CSNK2A2IP: variants seen among roughly 807,000 people sequenced by gnomAD.
CSNK2A2IP encodes casein kinase 2 subunit alpha' interacting protein.
chr3:88,361,338 G>A, the CSNK2A2IP span, among the ~76,000 whole-genome samples: 1 of 152,180 alleles, frequency 6.6e-6, no homozygotes, highest in Admixed American at 6.5e-5. Context: ...GTCTGGGAAA[G>A]TCTTTATTTT....
chr3:88,405,530 C>T, the CSNK2A2IP span, among the ~76,000 whole-genome samples: 5,010 of 152,254 alleles, frequency 0.033, 273 homozygotes, highest in African/African-American at 0.11. Context: ...ACAGAGCCCT[C>T]TCTTTGGCTT....
the CSNK2A2IP span, among the ~76,000 whole-genome samples, chr3:88,384,783 T>C: frequency 6.6e-6 from 1 of 151,982 alleles, no homozygotes. Context: ...AAGACAGAGA[T>C]AATAGAAACA....
At chr3:88,445,540 C>T in the CSNK2A2IP span, among the ~76,000 whole-genome samples, 1 of 152,012 alleles carries the variant, frequency 6.6e-6, no homozygotes, top group South Asian at 2.1e-4. Context: ...GATTTAATGG[C>T]TTTGAAAAGA....
chr3:88,383,727 G>T, the CSNK2A2IP span, among the ~76,000 whole-genome samples: 189 of 133,754 alleles, frequency 1.4e-3, 2 homozygotes, highest in African/African-American at 4.9e-3. Context: ...GCAGTGGCGC[G>T]ATCTCAGCTC....
the CSNK2A2IP span, among the ~76,000 whole-genome samples, chr3:88,361,928 C>G: frequency 6.6e-6 from 1 of 151,998 alleles, no homozygotes; most frequent in Admixed American, 6.6e-5. Context: ...GTTTTCAGCT[C>G]AAGAAGTTTT....
the CSNK2A2IP span, among the ~76,000 whole-genome samples, chr3:88,359,556 T>C: frequency 6.6e-6 from 1 of 152,130 alleles, no homozygotes; most frequent in Non-Finnish European, 1.5e-5. Flanking sequence ...TAGCTTGGTA[T>C]GTTGTATTTC....
the CSNK2A2IP span, among the ~76,000 whole-genome samples, chr3:88,446,427 G>C: frequency 1.9e-4 from 29 of 152,190 alleles, 1 homozygote; most frequent in South Asian, 6.0e-3. Flanking sequence ...CAGATCTTCA[G>C]TTACCCTCAG....
At chr3:88,413,089 G>A in the CSNK2A2IP span, among the ~76,000 whole-genome samples, 1 of 151,964 alleles carries the variant, frequency 6.6e-6, no homozygotes, top group South Asian at 2.1e-4. Flanking sequence ...AGTTGAATTA[G>A]TATATTAATG....
the CSNK2A2IP span, among the ~76,000 whole-genome samples, chr3:88,448,824 T>G: frequency 6.6e-6 from 1 of 152,242 alleles, no homozygotes; most frequent in South Asian, 2.1e-4. Context: ...GTATAAGGTA[T>G]TATTCATGAC....
chr3:88,354,466 G>T, the CSNK2A2IP span, among the ~76,000 whole-genome samples: 7 of 152,166 alleles, frequency 4.6e-5, no homozygotes, highest in Non-Finnish European at 8.8e-5. Context: ...GAAGCATAAA[G>T]GTTGAGAAGC....
the CSNK2A2IP span, among the ~76,000 whole-genome samples, chr3:88,347,148 G>T: frequency 3.3e-5 from 5 of 152,004 alleles, no homozygotes; most frequent in Non-Finnish European, 5.9e-5. Flanking sequence ...TATAAAACTT[G>T]AATGGGTGAG....
At chr3:88,466,750 C>A in the CSNK2A2IP span, 1 of 872,280 alleles carries the variant, frequency 1.1e-6, no homozygotes, top group Non-Finnish European at 1.5e-6. Flanking sequence ...AAATCCTCAT[C>A]CTGGTCCTCG....
At chr3:88,453,218 C>T in the CSNK2A2IP span, among the ~76,000 whole-genome samples, 1 of 151,944 alleles carries the variant, frequency 6.6e-6, no homozygotes, top group Non-Finnish European at 1.5e-5. Context: ...GAACTTAGTG[C>T]ACTAAGAATT....
the CSNK2A2IP span, among the ~76,000 whole-genome samples, chr3:88,387,209 T>C: frequency 1.3e-5 from 2 of 149,660 alleles, no homozygotes; most frequent in African/African-American, 4.9e-5. Context: ...GTCACCAGGC[T>C]GGAGTGCAGT....
the CSNK2A2IP span, among the ~76,000 whole-genome samples, chr3:88,357,255 T>A: frequency 6.6e-6 from 1 of 152,192 alleles, no homozygotes; most frequent in Non-Finnish European, 1.5e-5. Context: ...TAAATTTAAG[T>A]ATTTAATCCA....
At chr3:88,376,636 T>C in the CSNK2A2IP span, among the ~76,000 whole-genome samples, 2 of 151,760 alleles carry the variant, frequency 1.3e-5, no homozygotes, top group South Asian at 2.1e-4. Flanking sequence ...CCTACAAATA[T>C]ATTCAAATAA....
the CSNK2A2IP span, among the ~76,000 whole-genome samples, chr3:88,408,350 A>T: frequency 6.6e-6 from 1 of 152,172 alleles, no homozygotes; most frequent in South Asian, 2.1e-4. Flanking sequence ...CTCAAAAATG[A>T]AGTTCAGTCT....
the CSNK2A2IP span, among the ~76,000 whole-genome samples, chr3:88,358,521 T>G: frequency 1.6e-5 from 2 of 123,594 alleles, no homozygotes; most frequent in Non-Finnish European, 4.0e-5. Context: ...CTGTTTGTTG[T>G]GAGCTGTTTT....
chr3:88,375,959 T>G, the CSNK2A2IP span, among the ~76,000 whole-genome samples: 1 of 151,674 alleles, frequency 6.6e-6, no homozygotes. Flanking sequence ...TTCCTTCCGC[T>G]GACCTCCTTA....
Sources: gnomAD v4.1 joint callset for allele counts (sites outside exome capture counted in the v4.1 genomes callset) on GRCh38, gnomAD v4.1.1 for gene constraint, MANE v1.5 for transcripts, NCBI Gene and HGNC (gene_info 2026-07-23, HGNC 2026-07-21) for gene names.